The following HHLA1 variants were observed in gnomAD, a reference collection of about 807,000 sequenced individuals.
HHLA1 encodes HERV-H LTR-associating protein 1.
In HHLA1, 72 loss-of-function variants were observed where a neutral mutation model predicts 69.9. The ratio of observed to expected loss-of-function variants is 1.03; its 90% confidence interval spans 0.85 to 1.25. The LOEUF (loss-of-function observed/expected upper bound fraction) is 1.25. Among genes scored for constraint, HHLA1 ranks in the 50% most tolerant of loss-of-function variants. The pLI, the probability that HHLA1 is intolerant of heterozygous loss-of-function variation, is 0.00. For synonymous variants in HHLA1, 252 were observed against 233.2 expected (o/e 1.08, Z -0.73); for missense variants, 685 against 642.2 (o/e 1.07, Z -0.72).
chr8:132,080,012 G>A lies in HHLA1; in HGVS notation c.677-46C>T, dbSNP rs543535886. 3.2e-6 allele frequency: 5 copies of A among 1,551,432 alleles called. No homozygotes were observed. In the East Asian group the frequency reaches 1.2e-4, roughly 38 times the overall value. On this transcript the variant is annotated intron_variant, in intron 10 of 16. Transcript: ENST00000414222. The stretch of plus-strand genomic sequence containing the variant: ...GTAACATTAACATGCTTGACACTTT[G>A]GGCATAAAAAAACTGAAAGGTCACT...
chr8:132,065,176 C>G (rs769483469), intron 16 of HHLA1, among the ~76,000 whole-genome samples: 1 of 152,134 alleles, frequency 6.6e-6, no homozygotes, highest in Non-Finnish European at 1.5e-5. Context: ...TTTGAAGCTA[C>G]CAGGACAAGG....
intron 7 of HHLA1, among the ~76,000 whole-genome samples, chr8:132,094,710 C>T (rs2130894362): frequency 6.6e-6 from 1 of 152,282 alleles, no homozygotes; most frequent in Admixed American, 6.5e-5. Context: ...GCTGTCAGCC[C>T]ACACACCATG....
intron 15 of HHLA1, among the ~76,000 whole-genome samples, chr8:132,071,108 C>T (rs1286643541): frequency 2.0e-5 from 3 of 152,198 alleles, no homozygotes; most frequent in Non-Finnish European, 4.4e-5. Flanking sequence ...CTTATTGTGT[C>T]AGGCACTGCA....
intron 2 of HHLA1, 50 bp from the exon 3 acceptor site, chr8:132,104,217 C>T (rs746454208): frequency 4.1e-5 from 55 of 1,328,166 alleles, no homozygotes; most frequent in African/African-American, 8.8e-5. Context: ...GACATAATAC[C>T]GGAGATAATT....
chr8:132,094,581 T>G (rs765036292), intron 7 of HHLA1, among the ~76,000 whole-genome samples: 6 of 152,164 alleles, frequency 3.9e-5, no homozygotes, highest in Non-Finnish European at 7.4e-5. Context: ...ATCCTGAAGG[T>G]CACCCCTCAA....
chr8:132,077,987 G>A lies in HHLA1; in HGVS notation c.926-16C>T. 1 of 1,551,324 alleles carries A rather than the reference G, an allele frequency of 6.4e-7. No individual in the cohort carries two copies. Among genetic ancestry groups the A allele is most frequent in the Non-Finnish European group, 8.7e-7 (1 of 1,146,740 alleles). On this transcript the variant is annotated splice_polypyrimidine_tract_variant and intron_variant, in intron 11 of 16. Coordinates refer to ENST00000414222, the MANE Select transcript of HHLA1 (RefSeq NM_001145095.3). ...CTCCTGGTAGCTGCACATTCAAAGT[G>A]ACAGTAACAGGGTACAGACATGCTT...
At chr8:132,089,411 C>T (rs1377690405) in intron 8 of HHLA1, 105 bp downstream of exon 8, 14 of 707,754 alleles carry the variant, frequency 2.0e-5, no homozygotes, top group Non-Finnish European at 3.6e-5. Flanking sequence ...TTCTGGCAGC[C>T]TGGCCTATAG....
chr8:132,083,792 G>C (rs1177763532), intron 10 of HHLA1, among the ~76,000 whole-genome samples: 2 of 152,192 alleles, frequency 1.3e-5, no homozygotes, highest in Non-Finnish European at 2.9e-5. Context: ...TGTGGCTGGG[G>C]TTTGTCTCAC....
At chr8:132,085,250 C>T (rs913654072) in intron 10 of HHLA1, among the ~76,000 whole-genome samples, 1 of 152,048 alleles carries the variant, frequency 6.6e-6, no homozygotes, top group Non-Finnish European at 1.5e-5. Context: ...TTTGGGTTCA[C>T]GGATAAAACA....
At position 132,063,213 on chromosome 8, in the gene HHLA1, CA is replaced by C. The variant is rs1469089463; in HGVS notation, c.*781del. The C allele has an allele frequency of 6.6e-6, 1 of 152,228 alleles. No individual in the cohort carries two copies. Among genetic ancestry groups the C allele is most frequent in the Non-Finnish European group, 1.5e-5 (1 of 68,040 alleles). The allele number at this position is 152,228 out of a possible 1,614,324, so 9.4% of individuals were successfully genotyped here. ...GGACTCTCTCTAGAGGTGCCTTTCA[CA>C]TTTGCTGCTTTTCATCTGCATCCTT... On this transcript the variant is annotated 3_prime_UTR_variant, in exon 17 of 17. Coordinates refer to ENST00000414222, the MANE Select transcript of HHLA1 (RefSeq NM_001145095.3).
intron 10 of HHLA1, 25 bp from the exon 11 acceptor site, chr8:132,079,991 C>T (rs974415337): frequency 2.6e-6 from 4 of 1,552,162 alleles, no homozygotes; most frequent in Non-Finnish European, 3.5e-6. Context: ...TCAATGGTAA[C>T]ATTAACATGC....
intron 8 of HHLA1, 148 bp downstream of exon 8, chr8:132,089,368 C>T (rs1823908380): frequency 3.0e-6 from 2 of 669,930 alleles, no homozygotes; most frequent in Admixed American, 5.3e-5. Context: ...AACTGGACCA[C>T]ACTGATTATC....
Position 132,065,978 on chromosome 8 carries a change from T to C in HHLA1, c.1470-10A>G, listed in dbSNP as rs2130873203. Reference sequence around the variant, plus strand: ...GTATTCAAGACAGTATCTAAAGATTTAAATCAGAGCAGGGAGCAATAACTA... The same window carrying C: ...GTATTCAAGACAGTATCTAAAGATTCAAATCAGAGCAGGGAGCAATAACTA... On this transcript the variant is annotated splice_polypyrimidine_tract_variant and intron_variant, in intron 15 of 16. Transcript: ENST00000414222. 2 of 1,223,122 alleles carry C rather than the reference T, an allele frequency of 1.6e-6. No individual in the cohort carries two copies. The highest frequency in any genetic ancestry group is 1.3e-5 in the South Asian group (1 of 79,306). 75.8% of individuals were successfully genotyped at this position (1,223,122 alleles called of 1,614,324 possible). A position where few individuals can be genotyped will look rare whatever the true frequency, so the allele number is the denominator to read the frequency against.
chr8:132,078,171 AACACACACACACACACACACACACAC>A (rs34612835), intron 11 of HHLA1, among the ~76,000 whole-genome samples, 200 bp from the exon 12 acceptor site: 2 of 144,394 alleles, frequency 1.4e-5, no homozygotes, highest in African/African-American at 2.5e-5. Context: ...AGCACCAATA[AACACACACACACACACACACACACAC>A]ACACACACAC....
chr8:132,098,560 C>T (rs1824058808), intron 5 of HHLA1, among the ~76,000 whole-genome samples: 1 of 152,050 alleles, frequency 6.6e-6, no homozygotes, highest in African/African-American at 2.4e-5. Flanking sequence ...CTTCTGGGCT[C>T]CAGCAATCCT....
chr8:132,071,966 G>A (rs1318509201), intron 14 of HHLA1, among the ~76,000 whole-genome samples: 2 of 152,046 alleles, frequency 1.3e-5, no homozygotes, highest in African/African-American at 4.8e-5. Context: ...GCATGTGAGA[G>A]CATATGGATA....
Position 132,077,934 on chromosome 8 carries a change from A to G in HHLA1, c.963T>C (p.Ala321=). 6.4e-7 allele frequency: 1 copy of G among 1,551,660 alleles called. No homozygotes were observed. Among genetic ancestry groups the G allele is most frequent in the East Asian group, 2.4e-5 (1 of 40,914 alleles). The change falls in exon 12 of 17, where the codon GCT becomes GCC. Residue 321 remains alanine (A), a synonymous_variant. Coordinates refer to ENST00000414222, the MANE Select transcript of HHLA1 (RefSeq NM_001145095.3). The part of the protein sequence containing the change: ...RRVARTQWLT[A]DRQTWASISS... Reference sequence around the variant, plus strand: ...ATATGGAAGCCCACGTCTGTCTGTCAGCTGTCAACCACTGAGTTCTGGCCA... The same window carrying G: ...ATATGGAAGCCCACGTCTGTCTGTCGGCTGTCAACCACTGAGTTCTGGCCA...
Position 132,083,056 on chromosome 8 carries a change from G to A in HHLA1, c.677-3090C>T, listed in dbSNP as rs539447222. Among the ~76,000 whole-genome samples the A allele has an allele frequency of 5.4e-3, 827 of 151,838 alleles. 7 individuals are homozygous for A. The highest frequency in any genetic ancestry group is 0.019 in the African/African-American group (795 of 41,220). On this transcript the variant is annotated intron_variant, in intron 10 of 16. Transcript: ENST00000414222. ...TGCATGATTGGTCGCCAAGGAGGGA[G>A]TAGAGGTATCTTATACTTGTGGGTT...
Position 132,101,597 on chromosome 8 carries a change from G to C in HHLA1, c.140-1463C>G, listed in dbSNP as rs530948382. Reference sequence around the variant, plus strand: ...TACCCTATTAATTTTTTTTTTTTTTGAGATGGAGTCTCACTCTGTTGCCCA... The same window carrying C: ...TACCCTATTAATTTTTTTTTTTTTTCAGATGGAGTCTCACTCTGTTGCCCA... On this transcript the variant is annotated intron_variant, in intron 3 of 16. Coordinates refer to ENST00000414222, the MANE Select transcript of HHLA1 (RefSeq NM_001145095.3). Among the ~76,000 whole-genome samples the C allele has an allele frequency of 5.4e-5, 5 of 92,614 alleles. No individual in the cohort carries two copies. The Admixed American group carries it at 5.6e-4, about 10-fold the overall frequency. 60.8% of individuals were successfully genotyped at this position (92,614 alleles called of 152,430 possible).
Sources: gnomAD v4.1 joint callset for allele counts (sites outside exome capture counted in the v4.1 genomes callset) on GRCh38, gnomAD v4.1.1 for gene constraint, MANE v1.5 for transcripts, NCBI Gene and HGNC (gene_info 2026-07-23, HGNC 2026-07-21) for gene names.